PCDHGB7: variants seen among roughly 807,000 people sequenced by gnomAD.
The protein encoded by PCDHGB7 is protocadherin gamma-B7.
In PCDHGB7, 37 loss-of-function variants were observed where a neutral mutation model predicts 61.4. The observed-to-expected ratio is 0.60, with a 90% CI of 0.46 to 0.79. The LOEUF (loss-of-function observed/expected upper bound fraction) is 0.79. Ranked by LOEUF, PCDHGB7 falls within the 30% of genes least tolerant of loss-of-function variation. The pLI, the probability that PCDHGB7 is intolerant of heterozygous loss-of-function variation, is 0.00. For synonymous variants in PCDHGB7, 464 were observed against 503.5 expected (o/e 0.92, Z 1.05); for missense variants, 1,166 against 1,202.5 (o/e 0.97, Z 0.45).
In PCDHGB7 at chr5:141,418,264, A is replaced by C; in HGVS notation, c.405A>C (p.Lys135Asn). 1 of 1,614,082 alleles carries C rather than the reference A, an allele frequency of 6.2e-7. No individual in the cohort carries two copies. Among genetic ancestry groups the C allele is most frequent in the Non-Finnish European group, 8.5e-7 (1 of 1,179,898 alleles). Reference protein sequence around the residue: ...DVNDHAPQFRKDEINLEISES... With the variant: ...DVNDHAPQFRNDEINLEISES... ...ATGACCACGCCCCTCAATTCCGGAA[A>C]GATGAAATAAACTTAGAAATCAGTG... The change falls in exon 1 of 4, where the codon AAA (lysine) becomes AAC (asparagine). Residue 135 changes from lysine to asparagine, a missense_variant. Physicochemically the swap from Lys to Asn is moderately conservative, Grantham distance 94 (BLOSUM62 0). Transcript: ENST00000398594.
chr5:141,503,825 CA>C (rs2154593417), intron 2 of PCDHGB7, among the ~76,000 whole-genome samples: 1 of 152,186 alleles, frequency 6.6e-6, no homozygotes, highest in Non-Finnish European at 1.5e-5. Flanking sequence ...TGGGCAAAAC[CA>C]AAAGCAGGGA....
rs749331717 is a variant in PCDHGB7, at chr5:141,419,246, GAAAACAACCAGCC to G, written c.1388_1400del (p.Glu463GlyfsTer5). The G allele has an allele frequency of 6.2e-7, 1 of 1,614,004 alleles. No individual in the cohort carries two copies. Among genetic ancestry groups the G allele is most frequent in the South Asian group, 1.1e-5 (1 of 91,088 alleles). ...GTCAGCCTACCTGGTCCACGTGCCA[GAAAACAACCAGCC>G]GGGTGCCTCCATAGCGCAAGTCAGT... On this transcript the variant is annotated frameshift_variant, in exon 1 of 4. Coordinates refer to ENST00000398594, the MANE Select transcript of PCDHGB7 (RefSeq NM_018927.4). LOFTEE classifies it high-confidence loss of function.
At chr5:141,435,215 C>G (rs4912753) in intron 1 of PCDHGB7, among the ~76,000 whole-genome samples, 81,908 of 151,924 alleles carry the variant, frequency 0.54, 24,122 homozygotes, top group African/African-American at 0.79. Flanking sequence ...AGTGAATTTA[C>G]TTTCTTTCAA....
In PCDHGB7 at chr5:141,432,508, G is replaced by A. The variant is rs1306067848; in HGVS notation, c.2415+12234G>A. ...TGGAGCTGGCTCCCCGCTCCGCAGA[G>A]CCCGGCTACCTGGTGACCAAGGTGG... On this transcript the variant is annotated intron_variant, in intron 1 of 3. Coordinates refer to ENST00000398594, the MANE Select transcript of PCDHGB7 (RefSeq NM_018927.4). This position sits in a 1 kb window ranked among gnomAD's most constrained non-coding sequence, Gnocchi z 6.0. The A allele has an allele frequency of 1.9e-6, 3 of 1,614,136 alleles. No individual in the cohort carries two copies. Among genetic ancestry groups the A allele is most frequent in the Non-Finnish European group, 2.5e-6 (3 of 1,180,034 alleles).
chr5:141,454,832 G>A (rs1311246854), intron 1 of PCDHGB7, among the ~76,000 whole-genome samples: 2 of 75,830 alleles, frequency 2.6e-5, no homozygotes, highest in African/African-American at 1.3e-4. Context: ...TTTTGAGACA[G>A]AGTCGCGCTC....
In PCDHGB7 at chr5:141,489,948, T is replaced by C; in HGVS notation, c.2416-4859T>C. 2 of 1,614,210 alleles carry C rather than the reference T, an allele frequency of 1.2e-6. No individual in the cohort carries two copies. Among genetic ancestry groups the C allele is most frequent in the Non-Finnish European group, 1.7e-6 (2 of 1,180,030 alleles). On this transcript the variant is annotated intron_variant, in intron 1 of 3. Coordinates refer to ENST00000398594, the MANE Select transcript of PCDHGB7 (RefSeq NM_018927.4). The surrounding 1 kb of genome is among the most constrained non-coding windows in gnomAD (Gnocchi z 4.5). ...TCTCTGTCATCGTGCTGGACATCAA[T>C]GATAATGCTCCAACCTTCCAATCCT...
At position 141,486,735 on chromosome 5, in the gene PCDHGB7, G is replaced by T; in HGVS notation, c.2416-8072G>T. 6.2e-7 allele frequency: 1 copy of T among 1,614,176 alleles called. No individual in the cohort carries two copies. The highest frequency in any genetic ancestry group is 1.1e-5 in the South Asian group (1 of 91,086). On this transcript the variant is annotated intron_variant, in intron 1 of 3. Coordinates refer to ENST00000398594, the MANE Select transcript of PCDHGB7 (RefSeq NM_018927.4). The surrounding 1 kb of genome is among the most constrained non-coding windows in gnomAD (Gnocchi z 5.0). Reference sequence around the variant, plus strand: ...CAGACAGGAGCTGTTCATGCTACTCGATCCTTTGACTATGAGCAAACCCAG... The same window carrying T: ...CAGACAGGAGCTGTTCATGCTACTCTATCCTTTGACTATGAGCAAACCCAG...
chr5:141,461,778 C>CA (rs1280703059), intron 1 of PCDHGB7, among the ~76,000 whole-genome samples: 6 of 152,052 alleles, frequency 3.9e-5, no homozygotes, highest in Non-Finnish European at 7.4e-5. Context: ...CTCAGCCTCC[C>CA]AAGTAGCTGG....
At chr5:141,420,403 G>T in intron 1 of PCDHGB7, 129 bp downstream of exon 1, 3 of 1,246,014 alleles carry the variant, frequency 2.4e-6, no homozygotes, top group East Asian at 2.8e-5. Context: ...TCAAATTTAT[G>T]GTTATCATTA....
chr5:141,420,415 T>A, intron 1 of PCDHGB7, 141 bp downstream of exon 1: 1 of 1,217,296 alleles, frequency 8.2e-7, no homozygotes, highest in Non-Finnish European at 1.1e-6. Context: ...TTATCATTAT[T>A]AAAACAAAAG....
At position 141,418,844 on chromosome 5, in the gene PCDHGB7, A is replaced by G. The variant is rs781310201; in HGVS notation, c.985A>G (p.Thr329Ala). Residue 329 changes from threonine to alanine, a missense_variant, in exon 1 of 4, where the codon ACA (threonine) becomes GCA (alanine). Transcript: ENST00000398594. ...IEAKDRGSLSTRCKVIVEVVD... is the reference protein window; with the variant it reads ...IEAKDRGSLSARCKVIVEVVD... ...AGCAAAAGACCGAGGATCTCTCTCA[A>G]CACGGTGTAAAGTAATTGTAGAAGT... 1.2e-6 allele frequency: 2 copies of G among 1,613,936 alleles called. No homozygotes were observed. Among genetic ancestry groups the G allele is most frequent in the South Asian group, 2.2e-5 (2 of 91,086 alleles).
At chr5:141,497,465 G>A (rs189158903) in intron 2 of PCDHGB7, among the ~76,000 whole-genome samples, 1 of 152,024 alleles carries the variant, frequency 6.6e-6, no homozygotes, top group East Asian at 1.9e-4. Flanking sequence ...TTGGAGATAT[G>A]GAGGAGAAGG....
intron 3 of PCDHGB7, among the ~76,000 whole-genome samples, chr5:141,506,925 A>G (rs1287267937): frequency 1.3e-5 from 2 of 152,152 alleles, no homozygotes; most frequent in African/African-American, 4.8e-5. Context: ...ATACTAAACA[A>G]ACTTTAGGGG....
Position 141,491,712 on chromosome 5 carries a change from G to C in PCDHGB7, c.2416-3095G>C. 3.1e-6 allele frequency: 5 copies of C among 1,609,408 alleles called. No individual in the cohort carries two copies. Among genetic ancestry groups the C allele is most frequent in the Middle Eastern group, 1.7e-4 (1 of 6,024 alleles). ...GGGAGCGGAGCCAGGTGAGGGGCTCGGCGCCGCCCCGGGCGACCCCTGGGG... is the reference window on the plus strand; with the variant it reads ...GGGAGCGGAGCCAGGTGAGGGGCTCCGCGCCGCCCCGGGCGACCCCTGGGG... On this transcript the variant is annotated intron_variant, in intron 1 of 3. Transcript: ENST00000398594. The surrounding 1 kb of genome is among the most constrained non-coding windows in gnomAD (Gnocchi z 6.9).
At chr5:141,459,703 T>G (rs2098973426) in intron 1 of PCDHGB7, among the ~76,000 whole-genome samples, 1 of 152,226 alleles carries the variant, frequency 6.6e-6, no homozygotes, top group African/African-American at 2.4e-5. Context: ...CTTGCTACAT[T>G]TTCTCACCAA....
intron 1 of PCDHGB7, chr5:141,423,202 G>T: frequency 6.2e-7 from 1 of 1,613,618 alleles, no homozygotes; most frequent in Non-Finnish European, 8.5e-7. Flanking sequence ...CTCGGCCACC[G>T]TCACGCTCAC....
Position 141,491,742 on chromosome 5 carries a change from C to CA in PCDHGB7, c.2416-3064dup. The CA allele has an allele frequency of 3.1e-6, 5 of 1,596,114 alleles. No individual in the cohort carries two copies. Among genetic ancestry groups the CA allele is most frequent in the Non-Finnish European group, 4.3e-6 (5 of 1,172,424 alleles). ...CGCCCCGGGCGACCCCTGGGGGCGG[C>CA]ACTGGAGAAGCCGCCCGTCCTCATA... On this transcript the variant is annotated intron_variant, in intron 1 of 3. Coordinates refer to ENST00000398594, the MANE Select transcript of PCDHGB7 (RefSeq NM_018927.4). This position sits in a 1 kb window ranked among gnomAD's most constrained non-coding sequence, Gnocchi z 6.9.
In PCDHGB7 at chr5:141,491,786, C is replaced by T; in HGVS notation, c.2416-3021C>T. The stretch of plus-strand genomic sequence containing the variant: ...CCTCATAAGGGATTGAACTTGCATC[C>T]ACTCCTCTCCGGCCGGCTTGGTCGC... On this transcript the variant is annotated intron_variant, in intron 1 of 3. Coordinates refer to ENST00000398594, the MANE Select transcript of PCDHGB7 (RefSeq NM_018927.4). This position sits in a 1 kb window ranked among gnomAD's most constrained non-coding sequence, Gnocchi z 6.9. The T allele has an allele frequency of 1.3e-6, 2 of 1,529,640 alleles. No individual in the cohort carries two copies. The highest frequency in any genetic ancestry group is 2.5e-5 in the South Asian group (2 of 80,832). The allele number at this position is 1,529,640 out of a possible 1,614,324, so 94.8% of individuals were successfully genotyped here.
intron 1 of PCDHGB7, among the ~76,000 whole-genome samples, chr5:141,446,868 C>T (rs980547855): frequency 6.6e-6 from 1 of 152,160 alleles, no homozygotes; most frequent in Non-Finnish European, 1.5e-5. Flanking sequence ...TAGCTCTACA[C>T]TGGTATGTTT....
Sources: gnomAD v4.1 joint callset for allele counts (sites outside exome capture counted in the v4.1 genomes callset) on GRCh38, gnomAD v4.1.1 for gene constraint, Gnocchi (gnomAD v3.1) non-coding constraint, MANE v1.5 for transcripts, NCBI Gene and HGNC (gene_info 2026-07-23, HGNC 2026-07-21) for gene names.